Variants in SEMA6D observed in about 807,000 individuals in gnomAD.
The protein encoded by SEMA6D is semaphorin-6D.
SEMA6D carries 35 observed loss-of-function variants against 106.6 expected under a neutral mutation model. That is an observed-to-expected ratio of 0.33 (90% CI 0.25 to 0.44). The LOEUF is 0.44. SEMA6D is among the 20% of genes least tolerant of loss of function. SEMA6D has a pLI of 1.00. For missense variants in SEMA6D, 1,185 were observed against 1,345.9 expected (o/e 0.88, Z 1.87); for synonymous variants, 499 against 487.7 (o/e 1.02, Z -0.31).
At chr15:47,354,191 CTCTCTCTCTA>C (rs1567020799) in intron 1 of SEMA6D, among the ~76,000 whole-genome samples, 2 of 109,360 alleles carry the variant, frequency 1.8e-5, no homozygotes, top group Non-Finnish European at 3.3e-5. Flanking sequence ...CTCTCTCTCT[CTCTCTCTCTA>C]TATATATATA....
At chr15:47,273,467 C>T (rs751240233) in intron 1 of SEMA6D, among the ~76,000 whole-genome samples, 1 of 152,178 alleles carries the variant, frequency 6.6e-6, no homozygotes, top group African/African-American at 2.4e-5. Context: ...GTGCTAATAG[C>T]TATATGAAAG....
intron 2 of SEMA6D, among the ~76,000 whole-genome samples, chr15:47,422,066 C>T (rs2041175771): frequency 6.7e-6 from 1 of 149,112 alleles, no homozygotes; most frequent in African/African-American, 2.5e-5. Flanking sequence ...GAACTAAGAA[C>T]CACAATGTTA....
intron 1 of SEMA6D, among the ~76,000 whole-genome samples, chr15:47,403,211 A>G (rs1191950387): frequency 6.6e-6 from 1 of 152,134 alleles, no homozygotes; most frequent in Non-Finnish European, 1.5e-5. Context: ...CAGCCTCCCT[A>G]GGTTTTGAAA....
In SEMA6D at chr15:47,227,552, C is replaced by G. The variant is rs931600874; in HGVS notation, c.-239+43134C>G. ...TCCTCTTTCTCCTCTTTCTCTCTCT[C>G]TGTCTCTCTCTCTCTCTCACACACA... On this transcript the variant is annotated intron_variant, in intron 1 of 19. Transcript: ENST00000558014. 5.1e-5 allele frequency among the ~76,000 whole-genome samples: 5 copies of G among 97,992 alleles called. 1 individual carries two copies. Among genetic ancestry groups the G allele is most frequent in the Admixed American group, 2.4e-4 (2 of 8,368 alleles). 64.3% of individuals were successfully genotyped at this position (97,992 alleles called of 152,430 possible). A position where few individuals can be genotyped will look rare whatever the true frequency, so the allele number is the denominator to read the frequency against.
chr15:47,267,895 T>C lies in SEMA6D; in HGVS notation c.-239+83477T>C, dbSNP rs60104095. Among the ~76,000 whole-genome samples the C allele has an allele frequency of 3.8e-3, 585 of 152,300 alleles. 1 individual carries two copies. Among genetic ancestry groups the C allele is most frequent in the African/African-American group, 0.013 (559 of 41,568 alleles). On this transcript the variant is annotated intron_variant, in intron 1 of 19. Transcript: ENST00000558014. ...TACTTATCTTTTTTTGTTTGCTTTT[T>C]TTCTATTAAAGAAACATAACTGCAT...
chr15:47,544,884 A>T (rs1476167781), intron 3 of SEMA6D, among the ~76,000 whole-genome samples: 1 of 152,126 alleles, frequency 6.6e-6, no homozygotes, highest in Admixed American at 6.6e-5. Context: ...TAGATCAGCA[A>T]TCTGTTAAAC....
At chr15:47,455,057 G>A (rs1004745167) in intron 2 of SEMA6D, among the ~76,000 whole-genome samples, 1 of 151,846 alleles carries the variant, frequency 6.6e-6, no homozygotes, top group East Asian at 1.9e-4. Flanking sequence ...CACATGGTAA[G>A]CACTCAATAA....
At chr15:47,268,457 G>A (rs754841324) in intron 1 of SEMA6D, among the ~76,000 whole-genome samples, 1 of 152,270 alleles carries the variant, frequency 6.6e-6, no homozygotes. Context: ...TAATCTGCAA[G>A]TGAGTGTTAG....
At position 47,541,303 on chromosome 15, in the gene SEMA6D, T is replaced by C. The variant is rs188812968; in HGVS notation, c.-86-59562T>C. 5.9e-5 allele frequency among the ~76,000 whole-genome samples: 9 copies of C among 152,312 alleles called. No individual in the cohort carries two copies. The East Asian group carries it at 1.7e-3, about 29-fold the overall frequency. On this transcript the variant is annotated intron_variant, in intron 3 of 19. Transcript: ENST00000558014. ...TAAAAAATCAACACTGTAATTTGAC[T>C]CTTAAAGTATCTAAGTGTTTCTACA...
At chr15:47,759,712 T>C (rs979011893) in intron 1 of SEMA6D, 33 bp from the exon 2 acceptor site, 1 of 936,946 alleles carries the variant, frequency 1.1e-6, no homozygotes, top group Admixed American at 1.7e-5. Context: ...CATTGCAGCA[T>C]AGAGATCTTT....
chr15:47,678,957 C>A (rs1021706144), intron 4 of SEMA6D, among the ~76,000 whole-genome samples: 1 of 152,084 alleles, frequency 6.6e-6, no homozygotes, highest in Non-Finnish European at 1.5e-5. Flanking sequence ...ATGTCTGACT[C>A]CAAATGTCAG....
At chr15:47,505,339 A>G (rs2044005073) in intron 3 of SEMA6D, among the ~76,000 whole-genome samples, 1 of 152,212 alleles carries the variant, frequency 6.6e-6, no homozygotes, top group Non-Finnish European at 1.5e-5. Flanking sequence ...CCTTAACCAC[A>G]TACAGGGATG....
intron 1 of SEMA6D, among the ~76,000 whole-genome samples, chr15:47,187,416 C>A (rs1435249100): frequency 6.6e-6 from 1 of 152,096 alleles, no homozygotes; most frequent in African/African-American, 2.4e-5. Flanking sequence ...ACATTGAAAT[C>A]TCATCAAAAC....
chr15:47,617,919 G>A (rs1052011364), intron 4 of SEMA6D, among the ~76,000 whole-genome samples: 1 of 152,166 alleles, frequency 6.6e-6, no homozygotes. Flanking sequence ...ATTTCACTGG[G>A]CATCCATTTG....
At chr15:47,267,498 G>A (rs2034373133) in intron 1 of SEMA6D, among the ~76,000 whole-genome samples, 1 of 151,842 alleles carries the variant, frequency 6.6e-6, no homozygotes, top group African/African-American at 2.4e-5. Context: ...TTTCCCATAT[G>A]TCTCTGAATG....
intron 1 of SEMA6D, chr15:47,730,638 A>G (rs2080059518): frequency 1.3e-6 from 2 of 1,591,926 alleles, no homozygotes; most frequent in South Asian, 2.2e-5. Flanking sequence ...TCTGGTCTGT[A>G]CTTGTGGGCC....
chr15:47,475,312 A>C (rs1326540107), intron 3 of SEMA6D, among the ~76,000 whole-genome samples: 1 of 152,216 alleles, frequency 6.6e-6, no homozygotes, highest in African/African-American at 2.4e-5. Flanking sequence ...ACAACTCTAT[A>C]AAGTATCATC....
At chr15:47,693,884 A>G (rs1446323133) in intron 4 of SEMA6D, among the ~76,000 whole-genome samples, 1 of 152,094 alleles carries the variant, frequency 6.6e-6, no homozygotes, top group African/African-American at 2.4e-5. Flanking sequence ...TTAGATATTC[A>G]GTGAGCCGTG....
intron 3 of SEMA6D, among the ~76,000 whole-genome samples, chr15:47,523,082 A>G (rs2044639773): frequency 6.6e-6 from 1 of 152,052 alleles, no homozygotes. Context: ...CGCATCCTAT[A>G]CTCCTCCCAT....
Sources: gnomAD v4.1 joint callset for allele counts (sites outside exome capture counted in the v4.1 genomes callset) on GRCh38, gnomAD v4.1.1 for gene constraint, MANE v1.5 for transcripts, NCBI Gene and HGNC (gene_info 2026-07-23, HGNC 2026-07-21) for gene names.